The following CACNA1F variants were observed in gnomAD, a reference collection of about 807,000 sequenced individuals.
CACNA1F encodes the protein voltage-dependent L-type calcium channel subunit alpha-1F.
In CACNA1F, 59 loss-of-function variants were observed where a neutral mutation model predicts 143.8. The ratio of observed to expected loss-of-function variants is 0.41; its 90% CI spans 0.33 to 0.51. CACNA1F has a LOEUF of 0.51. Ranked by LOEUF, CACNA1F falls within the 20% of genes least tolerant of loss-of-function variation. The pLI is 0.22. For synonymous variants in CACNA1F, 643 were observed against 649.1 expected, an observed-to-expected ratio of 0.99 and a Z score of 0.14; for missense variants, 1,411 against 1,647.5, an observed-to-expected ratio of 0.86 and a Z score of 2.48.
At chrX:49,231,342 G>T in intron 2 of CACNA1F, 35 bp from the exon 3 acceptor site, 1 of 994,648 alleles carries the variant, frequency 1.0e-6, no homozygotes, top group South Asian at 2.0e-5. Flanking sequence ...CTGGCAGAGT[G>T]GCATTGGAAC....
Position 49,218,742 on chromosome X carries a change from A to G in CACNA1F, c.2734-7T>C. 12 of 1,071,845 alleles carry G rather than the reference A, an allele frequency of 1.1e-5. No individual in the cohort carries two copies. The highest frequency in any genetic ancestry group is 1.5e-5 in the Non-Finnish European group (12 of 801,459). 88.3% of individuals were successfully genotyped at this position (1,071,845 alleles called of 1,213,427 possible). A position where few individuals can be genotyped will look rare whatever the true frequency, so the allele number is the denominator to read the frequency against. ...AGGCCCCAAACACTGTCATCTGGGG[A>G]CAGGACAAGAGGCTAGACTCAGACC... is the stretch of plus-strand genomic sequence containing the variant. On this transcript the variant is annotated splice_polypyrimidine_tract_variant and splice_region_variant and intron_variant, in intron 22 of 47. Coordinates refer to ENST00000323022, the MANE Select transcript of CACNA1F (RefSeq NM_001256789.3).
chrX:49,231,830 C>G lies in CACNA1F; in HGVS notation c.123G>C (p.Gly41=), dbSNP rs35142387. ...GPPAVEGESS[G]ASGLGTPKRR... is the part of the protein sequence containing the mutation. ...GCTTAGGGGTCCCTAGGCCTGATGC[C>G]CCACTGCTTTCACCTTCCACAGCTG... Residue 41 remains glycine, a synonymous_variant, in exon 2 of 48, where the codon GGG becomes GGC. Coordinates refer to ENST00000323022, the MANE Select transcript of CACNA1F (RefSeq NM_001256789.3). The G allele has an allele frequency of 4.2e-6, 5 of 1,199,461 alleles. No individual in the cohort carries two copies. In the African/African-American group the frequency reaches 8.8e-5, roughly 21 times the overall value.
At chrX:49,232,924 G>T (rs1557111639) in intron 1 of CACNA1F, among the ~76,000 whole-genome samples, 1 of 110,509 alleles carries the variant, frequency 9.0e-6, no homozygotes, top group African/African-American at 3.3e-5. Flanking sequence ...GTCACTTTAG[G>T]TCTGTATCTG....
chrX:49,223,178 AC>A (rs1456290772), intron 14 of CACNA1F, 42 bp from the exon 15 acceptor site: 28 of 921,370 alleles, frequency 3.0e-5, no homozygotes, highest in Non-Finnish European at 4.3e-5. Flanking sequence ...TGCCATGTCC[AC>A]TGGACATGGC....
In CACNA1F at chrX:49,211,375, T is replaced by C; in HGVS notation, c.4207A>G (p.Ser1403Gly). The change falls in exon 36 of 48, where the codon AGC becomes GGC. Residue 1403 changes from serine to glycine, a missense_variant. Transcript: ENST00000323022. Reference sequence around the variant, plus strand: ...ATGAAATAGGCGATGGCAAAATTGCTACCACAGGTAAACTCTTCACCAGGG... The same window carrying C: ...ATGAAATAGGCGATGGCAAAATTGCCACCACAGGTAAACTCTTCACCAGGG... ...FGPGEEFTCG[S>G]NFAIAYFISF... is the part of the protein sequence containing the mutation. The C allele has an allele frequency of 8.3e-7, 1 of 1,210,597 alleles. No individual in the cohort carries two copies. The highest frequency in any genetic ancestry group is 1.1e-6 in the Non-Finnish European group (1 of 894,525).
chrX:49,211,483 T>C lies in CACNA1F; in HGVS notation c.4101-2A>G. The C allele has an allele frequency of 8.3e-7, 1 of 1,206,247 alleles. No homozygotes were observed. Among genetic ancestry groups the C allele is most frequent in the Non-Finnish European group, 1.1e-6 (1 of 890,372 alleles). ...TGCCATGCCTCACCAGTGGCACACCTGGTGGGAGTCACACAGGGGTAGCAT... is the reference window on the plus strand; with the variant it reads ...TGCCATGCCTCACCAGTGGCACACCCGGTGGGAGTCACACAGGGGTAGCAT... On this transcript the variant is annotated splice_acceptor_variant, in intron 35 of 47. Transcript: ENST00000323022. LOFTEE classifies it high-confidence loss of function.
At chrX:49,231,108 C>G (rs2065874286) in intron 3 of CACNA1F, 94 bp downstream of exon 3, 1 of 808,359 alleles carries the variant, frequency 1.2e-6, no homozygotes, top group Non-Finnish European at 1.8e-6. Context: ...GCAGGGCCAT[C>G]CGGGTCAGAG....
Position 49,212,658 on chromosome X carries a change from G to A in CACNA1F, c.3942+9C>T, listed in dbSNP as rs375206258. On this transcript the variant is annotated intron_variant, in intron 33 of 47. Transcript: ENST00000323022. ...GAGGTATGGTCAAAGGGATGGGGTA[G>A]GGGATTACCTGGAAGGACTTGATGA... The A allele has an allele frequency of 8.2e-5, 99 of 1,209,412 alleles. No individual in the cohort carries two copies. Among genetic ancestry groups the A allele is most frequent in the Non-Finnish European group, 9.7e-5 (87 of 893,887 alleles).
intron 17 of CACNA1F, 155 bp downstream of exon 17, chrX:49,222,367 T>C (rs958494375): frequency 8.1e-6 from 4 of 491,472 alleles, no homozygotes; most frequent in Admixed American, 5.6e-5. Context: ...AGGCAGTCAA[T>C]AGATGCATGT....
chrX:49,211,263 G>T, intron 36 of CACNA1F, 59 bp downstream of exon 36: 4 of 1,174,832 alleles, frequency 3.4e-6, no homozygotes, highest in Non-Finnish European at 4.6e-6. Flanking sequence ...TCACATCCCT[G>T]AGCCCCTCAG....
At chrX:49,213,989 G>C (rs1314516677) in intron 30 of CACNA1F, 87 bp from the exon 31 acceptor site, 2 of 706,463 alleles carry the variant, frequency 2.8e-6, no homozygotes, top group East Asian at 3.4e-5. Context: ...GCGCCGGAGG[G>C]GGGCAGGGCT....
At chrX:49,220,011 G>A (rs1243502795) in intron 19 of CACNA1F, among the ~76,000 whole-genome samples, 1 of 111,882 alleles carries the variant, frequency 8.9e-6, no homozygotes, top group Non-Finnish European at 1.9e-5. Context: ...AAAGAATGTT[G>A]TATATACAGA....
Position 49,218,499 on chromosome X carries a change from C to T in CACNA1F, c.2884G>A (p.Val962Ile). The T allele has an allele frequency of 8.4e-7, 1 of 1,185,771 alleles. No individual in the cohort carries two copies. The highest frequency in any genetic ancestry group is 1.1e-6 in the Non-Finnish European group (1 of 883,188). ...TTGATGGCTCGGAGGGGCCGCAGTA[C>T]TCGGAGTACTCGCAGAATCTTCACC... ...SVVKILRVLR[V>I]LRPLRAINRA... The change falls in exon 24 of 48, where the codon GTA becomes ATA. Residue 962 changes from valine to isoleucine, a missense_variant. Physicochemically the swap from Val to Ile is conservative, Grantham distance 29 (BLOSUM62 3). Transcript: ENST00000323022.
chrX:49,209,166 G>A (rs2065629458), intron 42 of CACNA1F, 96 bp downstream of exon 42: 2 of 1,043,657 alleles, frequency 1.9e-6, no homozygotes, highest in Non-Finnish European at 2.7e-6. Context: ...GGCTTCTCTG[G>A]GGGAGCTTCT....
At chrX:49,223,755 G>A (rs2065797489) in intron 14 of CACNA1F, among the ~76,000 whole-genome samples, 1 of 83,913 alleles carries the variant, frequency 1.2e-5, no homozygotes, top group East Asian at 4.2e-4. Context: ...TTTTTGAGAT[G>A]AAGTCTCACT....
intron 26 of CACNA1F, among the ~76,000 whole-genome samples, 184 bp downstream of exon 26, chrX:49,217,571 G>A (rs1327468314): frequency 1.8e-5 from 2 of 110,202 alleles, no homozygotes; most frequent in African/African-American, 6.6e-5. Context: ...GTCACTTGGG[G>A]AATGCGGAGA....
rs200713134 is a variant in CACNA1F at position 49,206,588 on chromosome X, G to A, written c.5395C>T (p.Arg1799Cys). The A allele has an allele frequency of 7.6e-5, 92 of 1,207,828 alleles. 1 individual carries two copies. In the South Asian group the frequency reaches 1.1e-3, roughly 15 times the overall value. Residue 1799 changes from arginine to cysteine, a missense_variant, in exon 46 of 48, where the codon CGC becomes TGC. By Grantham distance (180) the Arg-to-Cys change is radical. Transcript: ENST00000323022. ...GGTAAATCCTCACAACTGCCCTGGCGCTGCAGACACTGGATGGTGAAGGAG... is the reference window on the plus strand; with the variant it reads ...GGTAAATCCTCACAACTGCCCTGGCACTGCAGACACTGGATGGTGAAGGAG... ...KPSFTIQCLQ[R>C]QGSCEDLPIP... is the part of the protein sequence containing the mutation.
chrX:49,231,557 A>C, intron 2 of CACNA1F, 121 bp downstream of exon 2: 1 of 957,072 alleles, frequency 1.0e-6, no homozygotes, highest in South Asian at 2.0e-5. Context: ...CCCCCAACCC[A>C]GTTCTTGACT....
chrX:49,218,511 G>T lies in CACNA1F; in HGVS notation c.2872C>A (p.Arg958=). ...AGGGGCCGCAGTACTCGGAGTACTCGCAGAATCTTCACCACCGAGATGGCG... is the reference window on the plus strand; with the variant it reads ...AGGGGCCGCAGTACTCGGAGTACTCTCAGAATCTTCACCACCGAGATGGCG... ...SSAISVVKIL[R]VLRVLRPLRA... The change falls in exon 24 of 48, where the codon CGA becomes AGA. Residue 958 remains arginine, a synonymous_variant. Transcript: ENST00000323022. 8.4e-7 allele frequency: 1 copy of T among 1,184,558 alleles called. No individual in the cohort carries two copies.
Sources: allele counts gnomAD v4.1 joint callset (sites outside exome capture counted in the v4.1 genomes callset), GRCh38; gene constraint gnomAD v4.1.1; transcripts MANE v1.5; gene names NCBI Gene and HGNC (gene_info 2026-07-23, HGNC 2026-07-21).